POU6F1: variants seen among roughly 807,000 people sequenced by gnomAD.
POU6F1 encodes POU class 6 homeobox 1.
In POU6F1, 9 loss-of-function variants were observed where a neutral mutation model predicts 28.9. The ratio of observed to expected loss-of-function variants is 0.31; its 90% CI spans 0.19 to 0.54. The LOEUF (loss-of-function observed/expected upper bound fraction) is 0.54, where lower values mean the gene tolerates loss of function less well. Among genes scored for constraint, POU6F1 ranks in the 20% least tolerant of loss-of-function variants. The pLI, the probability that POU6F1 is intolerant of heterozygous loss-of-function variation, is 0.94. For synonymous variants in POU6F1, 173 were observed against 171.1 expected (o/e 1.01, Z -0.09); for missense variants, 338 against 426.1 (o/e 0.79, Z 1.82).
chr12:51,195,753 G>A (rs1359168530), intron 8 of POU6F1, among the ~76,000 whole-genome samples: 1 of 152,132 alleles, frequency 6.6e-6, no homozygotes, highest in Non-Finnish European at 1.5e-5. Context: ...ACATATTTTG[G>A]GTGCGTGTGA....
chr12:51,189,098 G>C lies in POU6F1; in HGVS notation c.*1149C>G, dbSNP rs150996598. On this transcript the variant is annotated 3_prime_UTR_variant, in exon 11 of 11. Transcript: ENST00000333640. ...TACACACAGACATGGTCTGAGACTC[G>C]ACAAAATGAGATTTCTCCTCCCGTA... 1 of 152,110 alleles carries C rather than the reference G, an allele frequency of 6.6e-6. No homozygotes were observed. Among genetic ancestry groups the C allele is most frequent in the Non-Finnish European group, 1.5e-5 (1 of 68,012 alleles). The allele number at this position is 152,110 out of a possible 1,614,324, so 9.4% of individuals were successfully genotyped here. A position where few individuals can be genotyped will look rare whatever the true frequency, so the allele number is the denominator to read the frequency against.
At position 51,190,111 on chromosome 12, in the gene POU6F1, C is replaced by A. The variant is rs1942288688; in HGVS notation, c.*136G>T. On this transcript the variant is annotated 3_prime_UTR_variant, in exon 11 of 11. Transcript: ENST00000333640. This position sits in a 1 kb window ranked among gnomAD's most constrained non-coding sequence, Gnocchi z 4.5. ...GAAAAGAGGGACATTGATGCACATG[C>A]ACACGGTGGAGTCTGATGACCTGGG... 7.2e-7 allele frequency: 1 copy of A among 1,388,962 alleles called. No individual in the cohort carries two copies. Among genetic ancestry groups the A allele is most frequent in the Non-Finnish European group, 9.5e-7 (1 of 1,048,714 alleles). The allele number at this position is 1,388,962 out of a possible 1,614,324, so 86.0% of individuals were successfully genotyped here. A position where few individuals can be genotyped will look rare whatever the true frequency, so the allele number is the denominator to read the frequency against.
chr12:51,193,386 C>T (rs1942575900), intron 8 of POU6F1, among the ~76,000 whole-genome samples: 1 of 152,188 alleles, frequency 6.6e-6, no homozygotes, highest in Admixed American at 6.5e-5. Flanking sequence ...ACCAGCCTGG[C>T]TAACATAGTG....
chr12:51,192,936 C>G lies in POU6F1; in HGVS notation c.1180-465G>C, dbSNP rs1366576300. ...AAAAAAAAGCAAGACTAAGAAACAC[C>G]TTATTAATACCCACCCAACAATAGT... On this transcript the variant is annotated intron_variant, in intron 8 of 10. Coordinates refer to ENST00000333640, the MANE Select transcript of POU6F1 (RefSeq NM_001330422.2). Among the ~76,000 whole-genome samples the G allele has an allele frequency of 2.6e-5, 4 of 151,946 alleles. No individual in the cohort carries two copies. The South Asian group carries it at 8.3e-4, about 32-fold the overall frequency.
At chr12:51,205,925 TCTC>T (rs1276897654) in intron 2 of POU6F1, among the ~76,000 whole-genome samples, 1 of 149,800 alleles carries the variant, frequency 6.7e-6, no homozygotes, top group Admixed American at 6.6e-5. Context: ...CTCACGCAAT[TCTC>T]CTGCCTCAGC....
At chr12:51,214,534 A>AGAGATAACAGTCTTGC in intron 1 of POU6F1, among the ~76,000 whole-genome samples, 2 of 152,290 alleles carry the variant, frequency 1.3e-5, no homozygotes, top group Admixed American at 1.3e-4. Context: ...GCCTGTCCCC[A>AGAGATAACAGTCTTGC]CACCCTGAAC....
At chr12:51,212,592 T>C (rs1163199800) in intron 1 of POU6F1, among the ~76,000 whole-genome samples, 1 of 148,240 alleles carries the variant, frequency 6.7e-6, no homozygotes, top group African/African-American at 2.5e-5. Flanking sequence ...ACCAGTCTGA[T>C]CAACATGGAG....
At chr12:51,202,278 A>C (rs1943268321) in intron 3 of POU6F1, 1 of 152,074 alleles carries the variant, frequency 6.6e-6, no homozygotes, top group Non-Finnish European at 1.5e-5. Context: ...CCATGAAATG[A>C]CTTCCTCCTA....
At chr12:51,209,189 G>A (rs1313107982) in intron 1 of POU6F1, among the ~76,000 whole-genome samples, 1 of 152,184 alleles carries the variant, frequency 6.6e-6, no homozygotes, top group Non-Finnish European at 1.5e-5. Context: ...CCGTACAGTG[G>A]AATCTGGTGG....
Position 51,196,115 on chromosome 12 carries a change from G to T in POU6F1, c.1034C>A (p.Ala345Asp). 1 of 1,588,444 alleles carries T rather than the reference G, an allele frequency of 6.3e-7. No individual in the cohort carries two copies. Among genetic ancestry groups the T allele is most frequent in the Non-Finnish European group, 8.6e-7 (1 of 1,168,390 alleles). The part of the protein sequence containing the change: ...NSASVAAPAP[A>D]QSLQVQAVTP... The stretch of plus-strand genomic sequence containing the variant: ...CACGGCCTGGACCTGCAGGCTTTGG[G>T]CTGGTGCTGGGGCCGCCACACTAGC... Residue 345 changes from alanine (A) to aspartate (D), a missense_variant, in exon 8 of 11, where the codon GCC becomes GAC. By Grantham distance (126) the Ala-to-Asp change is moderately radical. Transcript: ENST00000333640.
Position 51,204,902 on chromosome 12 carries a change from T to C in POU6F1, c.49-534A>G, listed in dbSNP as rs115233085. Among the ~76,000 whole-genome samples, 293 of 152,258 alleles carry C rather than the reference T, an allele frequency of 1.9e-3. 1 individual carries two copies. The highest frequency in any genetic ancestry group is 6.4e-3 in the African/African-American group (264 of 41,538). Reference sequence around the variant, plus strand: ...AATGCTGAGTAACTTCTATCGCCCATGATTCCTTTATTTCGAAAACTCTGG... The same window carrying C: ...AATGCTGAGTAACTTCTATCGCCCACGATTCCTTTATTTCGAAAACTCTGG... On this transcript the variant is annotated intron_variant, in intron 2 of 10. Coordinates refer to ENST00000333640, the MANE Select transcript of POU6F1 (RefSeq NM_001330422.2).
chr12:51,211,884 C>T (rs1023639804), intron 1 of POU6F1, among the ~76,000 whole-genome samples: 1 of 152,112 alleles, frequency 6.6e-6, no homozygotes. Flanking sequence ...GGATTTTCAG[C>T]GGGGGAGAAT....
rs1394706119 is a variant in POU6F1 at position 51,190,598 on chromosome 12, G to A, written c.1491-6C>T. ...TGATGTCTAGCTTCTCGAACCTGTGGGCAACCCATACCCAGGAAGAGGCAG... is the reference window on the plus strand; with the variant it reads ...TGATGTCTAGCTTCTCGAACCTGTGAGCAACCCATACCCAGGAAGAGGCAG... On this transcript the variant is annotated splice_region_variant and splice_polypyrimidine_tract_variant and intron_variant, in intron 10 of 10. Coordinates refer to ENST00000333640, the MANE Select transcript of POU6F1 (RefSeq NM_001330422.2). This position sits in a 1 kb window ranked among gnomAD's most constrained non-coding sequence, Gnocchi z 4.5. 6 of 1,611,144 alleles carry A rather than the reference G, an allele frequency of 3.7e-6. No individual in the cohort carries two copies. The highest frequency in any genetic ancestry group is 5.1e-6 in the Non-Finnish European group (6 of 1,178,140).
intron 1 of POU6F1, among the ~76,000 whole-genome samples, chr12:51,214,548 G>A (rs1019547636): frequency 1.3e-5 from 2 of 152,154 alleles, no homozygotes; most frequent in African/African-American, 4.8e-5. Flanking sequence ...CCTGAACCAT[G>A]AGCAGAGATA....
intron 5 of POU6F1, among the ~76,000 whole-genome samples, 188 bp downstream of exon 5, chr12:51,198,362 G>A (rs1942984415): frequency 6.6e-6 from 1 of 152,234 alleles, no homozygotes; most frequent in Non-Finnish European, 1.5e-5. Context: ...GGCCAGCGTG[G>A]CGTCACGGCC....
chr12:51,196,269 G>A, intron 7 of POU6F1, 96 bp from the exon 8 acceptor site: 1 of 1,070,114 alleles, frequency 9.3e-7, no homozygotes, highest in Non-Finnish European at 1.3e-6. Context: ...CAGACTAATG[G>A]ACAAATCCCT....
chr12:51,190,235 AG>A lies in POU6F1; in HGVS notation c.*11del. On this transcript the variant is annotated 3_prime_UTR_variant, in exon 11 of 11. Coordinates refer to ENST00000333640, the MANE Select transcript of POU6F1 (RefSeq NM_001330422.2). The surrounding 1 kb of genome is among the most constrained non-coding windows in gnomAD (Gnocchi z 4.5). ...GGACAAAGTGCTAGAACACAGGGCC[AG>A]GGGCTGAGCCCTAAGGGATCTGAAA... 1 of 1,613,150 alleles carries A rather than the reference AG, an allele frequency of 6.2e-7. No individual in the cohort carries two copies. The highest frequency in any genetic ancestry group is 1.1e-5 in the South Asian group (1 of 91,016).
In POU6F1 at chr12:51,195,995, G is replaced by A. The variant is rs1290902069; in HGVS notation, c.1154C>T (p.Thr385Ile). 1 of 1,607,068 alleles carries A rather than the reference G, an allele frequency of 6.2e-7. No homozygotes were observed. Among genetic ancestry groups the A allele is most frequent in the Non-Finnish European group, 8.5e-7 (1 of 1,178,392 alleles). ...CTCACTCTTAGCAGGGGACTCAGGT[G>A]TGCTTGGCTTCCGGACAGCCACAGG... ...PPPVAVRKPS[T>I]PESPAKSEVQ... Residue 385 changes from threonine to isoleucine, a missense_variant, in exon 8 of 11, where the codon ACA becomes ATA. Physicochemically the swap from Thr to Ile is moderately conservative, Grantham distance 89. Around this residue, in one of 3 missense-constraint regions of POU6F1, gnomAD observed 206 missense variants for 225.6 expected, o/e 0.91. Coordinates refer to ENST00000333640, the MANE Select transcript of POU6F1 (RefSeq NM_001330422.2).
intron 1 of POU6F1, among the ~76,000 whole-genome samples, chr12:51,210,485 C>T (rs1458273980): frequency 1.3e-5 from 2 of 152,242 alleles, no homozygotes; most frequent in East Asian, 1.9e-4. Context: ...TTGAGAGGAG[C>T]GTTAAGTCTG....
Sources: allele counts gnomAD v4.1 joint callset (sites outside exome capture counted in the v4.1 genomes callset), GRCh38; gene constraint gnomAD v4.1.1; regional missense constraint gnomAD v4.1.1; non-coding constraint Gnocchi (gnomAD v3.1); transcripts MANE v1.5; gene names NCBI Gene and HGNC (gene_info 2026-07-23, HGNC 2026-07-21).